The following DAG1 variants were observed in gnomAD, a reference collection of about 807,000 sequenced individuals.
The protein encoded by DAG1 is dystroglycan 1, also known as dystroglycan 1 (dystrophin-associated glycoprotein 1).
DAG1 carries 8 observed loss-of-function variants against 46.1 expected under a neutral mutation model. The observed-to-expected ratio is 0.17, with a 90% CI of 0.10 to 0.31. The LOEUF (loss-of-function observed/expected upper bound fraction) is 0.31, where lower values mean the gene tolerates loss of function less well. Ranked by LOEUF, DAG1 falls within the 10% of genes least tolerant of loss-of-function variation. The probability of loss-of-function intolerance (pLI) is 1.00; values close to 1 mark genes in which losing one functional copy is unlikely to be tolerated. For missense variants in DAG1, 1,003 were observed against 1,189.9 expected, an observed-to-expected ratio of 0.84 and a Z score of 2.31; for synonymous variants, 495 against 481.8, an observed-to-expected ratio of 1.03 and a Z score of -0.36.
chr3:49,514,354 T>C (rs1296590551), intron 2 of DAG1, among the ~76,000 whole-genome samples: 1 of 152,258 alleles, frequency 6.6e-6, no homozygotes, highest in Non-Finnish European at 1.5e-5. Context: ...CTGTGGTTTC[T>C]ACCATTCAGA....
chr3:49,527,829 C>T (rs1434090810), intron 2 of DAG1, among the ~76,000 whole-genome samples: 1 of 152,208 alleles, frequency 6.6e-6, no homozygotes, highest in Non-Finnish European at 1.5e-5. Context: ...CCATTTGGCT[C>T]CCTTCTTCTA....
intron 1 of DAG1, among the ~76,000 whole-genome samples, chr3:49,475,909 C>T (rs537420908): frequency 4.0e-5 from 6 of 151,766 alleles, no homozygotes; most frequent in Middle Eastern, 3.4e-3. Flanking sequence ...TTAGTAGAGA[C>T]GGGGTTTCAC....
chr3:49,526,280 A>T (rs562392869), intron 2 of DAG1, among the ~76,000 whole-genome samples: 3 of 152,142 alleles, frequency 2.0e-5, no homozygotes, highest in Non-Finnish European at 4.4e-5. Flanking sequence ...CACCTCCAAC[A>T]CTAGGGATAA....
chr3:49,490,973 C>T (rs1234189219), intron 1 of DAG1, among the ~76,000 whole-genome samples: 1 of 149,462 alleles, frequency 6.7e-6, no homozygotes, highest in Non-Finnish European at 1.5e-5. Context: ...GCAACTTCTG[C>T]CTCCCAGGTT....
intron 2 of DAG1, among the ~76,000 whole-genome samples, chr3:49,517,533 G>A (rs908307041): frequency 3.3e-5 from 5 of 152,150 alleles, no homozygotes; most frequent in African/African-American, 1.2e-4. Flanking sequence ...GTGATGAGAC[G>A]GGTTTGTACA....
At chr3:49,486,241 C>T (rs183326585) in intron 1 of DAG1, among the ~76,000 whole-genome samples, 31 of 148,078 alleles carry the variant, frequency 2.1e-4, no homozygotes, top group Admixed American at 1.6e-3. Flanking sequence ...TTTTTTGAGA[C>T]GGAGTCTTGC....
At chr3:49,494,557 A>C (rs897983967) in intron 1 of DAG1, among the ~76,000 whole-genome samples, 3 of 152,184 alleles carry the variant, frequency 2.0e-5, no homozygotes, top group Admixed American at 6.6e-5. Flanking sequence ...TAATGGAAAA[A>C]ATACCAGAAA....
intron 1 of DAG1, among the ~76,000 whole-genome samples, chr3:49,507,764 C>T (rs2050646876): frequency 6.6e-6 from 1 of 151,648 alleles, no homozygotes; most frequent in African/African-American, 2.4e-5. Context: ...CTGCTGGGCT[C>T]AAGCCAACCT....
intron 1 of DAG1, among the ~76,000 whole-genome samples, chr3:49,484,846 G>A (rs1412240429): frequency 6.6e-6 from 1 of 151,716 alleles, no homozygotes; most frequent in East Asian, 1.9e-4. Context: ...ACCCAGCCTG[G>A]AGTGCAATGG....
At chr3:49,516,793 T>C (rs571974676) in intron 2 of DAG1, among the ~76,000 whole-genome samples, 2 of 152,300 alleles carry the variant, frequency 1.3e-5, no homozygotes, top group African/African-American at 2.4e-5. Context: ...TGATTCCTTT[T>C]TGTGGTGAAT....
At chr3:49,525,457 G>T (rs1467418675) in intron 2 of DAG1, among the ~76,000 whole-genome samples, 1 of 152,186 alleles carries the variant, frequency 6.6e-6, no homozygotes, top group East Asian at 1.9e-4. Context: ...CTGCTTCTGG[G>T]GATGCCTCAG....
chr3:49,527,530 A>G (rs558983491), intron 2 of DAG1, among the ~76,000 whole-genome samples: 16 of 148,498 alleles, frequency 1.1e-4, no homozygotes, highest in African/African-American at 1.7e-4. Flanking sequence ...TCAAAAAAAA[A>G]AAAAACCAAC....
At chr3:49,497,302 T>C (rs964406253) in intron 1 of DAG1, among the ~76,000 whole-genome samples, 8 of 151,956 alleles carry the variant, frequency 5.3e-5, no homozygotes, top group Non-Finnish European at 7.4e-5. Flanking sequence ...CTGGACGTCA[T>C]AGTGGGCACC....
chr3:49,488,960 G>C (rs999510915), intron 1 of DAG1, among the ~76,000 whole-genome samples: 1 of 152,142 alleles, frequency 6.6e-6, no homozygotes, highest in Non-Finnish European at 1.5e-5. Context: ...TGTGTTTAGA[G>C]ATATACATTC....
intron 1 of DAG1, among the ~76,000 whole-genome samples, chr3:49,494,925 C>T (rs1379992431): frequency 1.3e-5 from 2 of 151,648 alleles, no homozygotes; most frequent in Admixed American, 6.6e-5. Context: ...GAGCCACCGG[C>T]GCTTGGCTGC....
intron 1 of DAG1, among the ~76,000 whole-genome samples, chr3:49,481,056 C>T (rs367895931): frequency 8.7e-5 from 13 of 148,596 alleles, no homozygotes; most frequent in African/African-American, 2.0e-4. Flanking sequence ...CCACCACGCC[C>T]GGCCTGCATA....
chr3:49,496,275 C>G (rs1449188323), intron 1 of DAG1, among the ~76,000 whole-genome samples: 1 of 151,950 alleles, frequency 6.6e-6, no homozygotes, highest in African/African-American at 2.4e-5. Flanking sequence ...CAGGCTCAAG[C>G]AGTCCTCCCA....
chr3:49,494,381 C>T (rs886925953), intron 1 of DAG1, among the ~76,000 whole-genome samples: 1 of 152,116 alleles, frequency 6.6e-6, no homozygotes, highest in African/African-American at 2.4e-5. Flanking sequence ...GCTGGGTTGC[C>T]TGGAGCTTCC....
chr3:49,526,830 A>T (rs2051185063), intron 2 of DAG1, among the ~76,000 whole-genome samples: 1 of 152,264 alleles, frequency 6.6e-6, no homozygotes, highest in Non-Finnish European at 1.5e-5. Context: ...GAGCATTATA[A>T]CTTGCTTTGG....
Sources: allele counts gnomAD v4.1 joint callset (sites outside exome capture counted in the v4.1 genomes callset), GRCh38; gene constraint gnomAD v4.1.1; transcripts MANE v1.5; gene names NCBI Gene and HGNC (gene_info 2026-07-23, HGNC 2026-07-21).